The following REV3L variants were observed in gnomAD, a reference collection of about 807,000 sequenced individuals.
REV3L encodes REV3 like, DNA directed polymerase zeta catalytic subunit, also known as DNA polymerase zeta catalytic subunit.
In REV3L, 69 loss-of-function variants were observed where a neutral mutation model predicts 299.4. The observed-to-expected ratio is 0.23, with a 90% CI of 0.19 to 0.28. REV3L has a LOEUF of 0.28. Ranked by LOEUF, REV3L falls within the 10% of genes least tolerant of loss-of-function variation. The pLI is 1.00. For synonymous variants in REV3L, 1,238 were observed against 1,271.4 expected (o/e 0.97, Z 0.56); for missense variants, 3,128 against 3,693.8 (o/e 0.85, Z 3.97).
At chr6:111,336,701 G>A (rs949390556) in intron 21 of REV3L, among the ~76,000 whole-genome samples, 2 of 151,510 alleles carry the variant, frequency 1.3e-5, no homozygotes, top group Admixed American at 6.6e-5. Context: ...ATGAAAGAGG[G>A]TATCTACACA....
At chr6:111,359,830 T>C (rs1778471516) in intron 16 of REV3L, among the ~76,000 whole-genome samples, 3 of 152,312 alleles carry the variant, frequency 2.0e-5, no homozygotes, top group Non-Finnish European at 4.4e-5. Context: ...TATTGGTAAT[T>C]ATTCAGATCA....
chr6:111,463,589 C>T (rs1410009306), intron 1 of REV3L, among the ~76,000 whole-genome samples: 1 of 152,154 alleles, frequency 6.6e-6, no homozygotes, highest in Non-Finnish European at 1.5e-5. Context: ...AATAATCCTT[C>T]TCTAAATTTT....
At chr6:111,475,885 A>G (rs1003668618) in intron 1 of REV3L, among the ~76,000 whole-genome samples, 23 of 152,260 alleles carry the variant, frequency 1.5e-4, no homozygotes, top group African/African-American at 5.3e-4. Flanking sequence ...TCATATTTAA[A>G]TCTTTAACTC....
intron 21 of REV3L, among the ~76,000 whole-genome samples, chr6:111,338,311 CCTTTTTTTTTTTTTTTTT>C (rs1776122971): frequency 8.2e-5 from 4 of 49,054 alleles, no homozygotes; most frequent in Non-Finnish European, 1.4e-4. Context: ...AGTCTAAAGT[CCTTTTTTTTTTTTTTTTT>C]TTTTTTTTTT....
At chr6:111,428,133 T>A (rs1454448854) in intron 1 of REV3L, among the ~76,000 whole-genome samples, 6 of 151,460 alleles carry the variant, frequency 4.0e-5, no homozygotes, top group African/African-American at 1.2e-4. Context: ...AAATAACTAA[T>A]CCTTGAATGC....
intron 6 of REV3L, among the ~76,000 whole-genome samples, chr6:111,389,835 C>A (rs1344697181): frequency 6.8e-6 from 1 of 146,004 alleles, no homozygotes; most frequent in Non-Finnish European, 1.5e-5. Context: ...CACCCAGGCT[C>A]AAGTGATTCC....
In REV3L at chr6:111,464,117, T is replaced by TA. The variant is rs972299776; in HGVS notation, c.139+18632dup. On this transcript the variant is annotated intron_variant, in intron 1 of 31. Coordinates refer to ENST00000368802, the MANE Select transcript of REV3L (RefSeq NM_001372078.1). ...AATAAATAAATAAATAACAAAAATTTAAAAAAAAAAACTGTTTCAGGTTAT... is the reference window on the plus strand; with the variant it reads ...AATAAATAAATAAATAACAAAAATTTAAAAAAAAAAAACTGTTTCAGGTTAT... 1.9e-3 allele frequency among the ~76,000 whole-genome samples: 283 copies of TA among 145,846 alleles called. 1 individual carries two copies. The highest frequency in any genetic ancestry group is 0.011 in the South Asian group (52 of 4,652).
At chr6:111,313,325 G>C (rs1396765303) in intron 28 of REV3L, 27 bp downstream of exon 28, 2 of 1,585,422 alleles carry the variant, frequency 1.3e-6, no homozygotes, top group East Asian at 2.3e-5. Context: ...ATTTCTTACA[G>C]ATGAAGACAA....
chr6:111,384,798 C>G (rs1412839354), intron 9 of REV3L, among the ~76,000 whole-genome samples: 6 of 152,132 alleles, frequency 3.9e-5, no homozygotes, highest in East Asian at 1.9e-4. Context: ...TATCTGCACT[C>G]CCATGTTTAT....
At chr6:111,329,380 C>G in intron 25 of REV3L, 152 bp downstream of exon 25, 1 of 525,532 alleles carries the variant, frequency 1.9e-6, no homozygotes. Context: ...GAGATGAGGT[C>G]TCACTATGTT....
intron 1 of REV3L, among the ~76,000 whole-genome samples, chr6:111,420,144 C>T (rs1785170477): frequency 6.6e-6 from 1 of 152,174 alleles, no homozygotes; most frequent in African/African-American, 2.4e-5. Context: ...CGCGCCCGGC[C>T]ATTTTGGATT....
intron 13 of REV3L, among the ~76,000 whole-genome samples, chr6:111,371,977 C>G (rs1332387752): frequency 6.6e-6 from 1 of 152,130 alleles, no homozygotes; most frequent in Non-Finnish European, 1.5e-5. Flanking sequence ...CAGGTGCACA[C>G]CACCATACCC....
chr6:111,417,101 G>C (rs1377685924), intron 1 of REV3L, among the ~76,000 whole-genome samples: 2 of 151,972 alleles, frequency 1.3e-5, no homozygotes, highest in Non-Finnish European at 2.9e-5. Context: ...TTTATATTTG[G>C]TGGTATGGAA....
At chr6:111,450,457 T>C (rs1437316780) in intron 1 of REV3L, among the ~76,000 whole-genome samples, 2 of 109,742 alleles carry the variant, frequency 1.8e-5, no homozygotes, top group Non-Finnish European at 3.3e-5. Context: ...CCAGCCCGGG[T>C]GACAGAGCAA....
At chr6:111,357,682 G>A (rs973003146) in intron 17 of REV3L, among the ~76,000 whole-genome samples, 2 of 151,882 alleles carry the variant, frequency 1.3e-5, no homozygotes, top group Non-Finnish European at 2.9e-5. Flanking sequence ...AACAGAGCGA[G>A]ACTCTGTCTC....
At chr6:111,442,839 T>C (rs998826127) in intron 1 of REV3L, among the ~76,000 whole-genome samples, 4 of 152,182 alleles carry the variant, frequency 2.6e-5, no homozygotes, top group African/African-American at 9.7e-5. Flanking sequence ...GCTTTAAAGA[T>C]TTTTATTAAT....
At chr6:111,406,888 T>A (rs1187202152) in intron 3 of REV3L, among the ~76,000 whole-genome samples, 1 of 152,226 alleles carries the variant, frequency 6.6e-6, no homozygotes, top group Non-Finnish European at 1.5e-5. Flanking sequence ...ATATATTGGA[T>A]ACTGTGCTAA....
At chr6:111,356,954 G>T in intron 18 of REV3L, 60 bp downstream of exon 18, 1 of 814,484 alleles carries the variant, frequency 1.2e-6, no homozygotes, top group Non-Finnish European at 2.0e-6. Flanking sequence ...ACTATTATCT[G>T]CAATAGCATG....
chr6:111,454,340 T>C (rs1373872602), intron 1 of REV3L, among the ~76,000 whole-genome samples: 16 of 152,070 alleles, frequency 1.1e-4, no homozygotes. Context: ...AAAACAAAGC[T>C]GAGTAAACAG....
Sources: allele counts gnomAD v4.1 joint callset (sites outside exome capture counted in the v4.1 genomes callset), GRCh38; gene constraint gnomAD v4.1.1; transcripts MANE v1.5; gene names NCBI Gene and HGNC (gene_info 2026-07-23, HGNC 2026-07-21).